The following ENTPD1 variants were observed in gnomAD, a reference collection of about 807,000 sequenced individuals.
ENTPD1 encodes the protein ectonucleoside triphosphate diphosphohydrolase 1.
A neutral mutation model predicts 57.0 loss-of-function variants in ENTPD1; 33 were observed. The ratio of observed to expected loss-of-function variants is 0.58; its 90% confidence interval spans 0.44 to 0.77. The LOEUF (loss-of-function observed/expected upper bound fraction) is 0.77, where lower values mean the gene tolerates loss of function less well. Among genes scored for constraint, ENTPD1 ranks in the 30% least tolerant of loss-of-function variants. ENTPD1 has a pLI of 0.00. For synonymous variants in ENTPD1, 202 were observed against 218.8 expected (o/e 0.92, Z 0.68); for missense variants, 501 against 603.4 (o/e 0.83, Z 1.78).
intron 1 of ENTPD1, among the ~76,000 whole-genome samples, chr10:95,820,035 G>A (rs186056333): frequency 4.6e-5 from 7 of 152,116 alleles, no homozygotes; most frequent in African/African-American, 1.7e-4. Flanking sequence ...TAAGAAGAAG[G>A]GGCAGTTACC....
intron 1 of ENTPD1, among the ~76,000 whole-genome samples, chr10:95,798,524 TAATATTGTCTTGTTATCCA>T: frequency 6.6e-6 from 1 of 152,250 alleles, no homozygotes; most frequent in East Asian, 1.9e-4. Context: ...AGGGTAGGCC[TAATATTGTCTTGTTATCCA>T]AATATTGTCT....
At chr10:95,765,811 A>G (rs1003152105) in intron 1 of ENTPD1, among the ~76,000 whole-genome samples, 2 of 152,194 alleles carry the variant, frequency 1.3e-5, no homozygotes, top group African/African-American at 4.8e-5. Flanking sequence ...CTTCTAATCC[A>G]TGAACATATG....
chr10:95,722,038 C>A lies in ENTPD1; in HGVS notation c.37+10045C>A, dbSNP rs189400709. Among the ~76,000 whole-genome samples the A allele has an allele frequency of 1.8e-3, 276 of 152,206 alleles. 5 individuals carry two copies. Among genetic ancestry groups the A allele is most frequent in the African/African-American group, 6.2e-3 (256 of 41,526 alleles). On this transcript the variant is annotated intron_variant, in intron 1 of 9. Coordinates refer to the ENTPD1 transcript ENST00000453258. Reference sequence around the variant, plus strand: ...ATACATTCCAATAAATAAAACAGTTCTTATGCAAATTTGTGTCAGAGAGGG... The same window carrying A: ...ATACATTCCAATAAATAAAACAGTTATTATGCAAATTTGTGTCAGAGAGGG...
At chr10:95,783,606 A>G (rs1356141666) in intron 1 of ENTPD1, among the ~76,000 whole-genome samples, 1 of 152,036 alleles carries the variant, frequency 6.6e-6, no homozygotes, top group Non-Finnish European at 1.5e-5. Context: ...TCAAGATAGG[A>G]TAACACCCAG....
intron 1 of ENTPD1, among the ~76,000 whole-genome samples, chr10:95,748,643 A>G (rs1159650283): frequency 1.3e-5 from 2 of 152,210 alleles, no homozygotes; most frequent in East Asian, 3.8e-4. Flanking sequence ...TTAAAAGTTA[A>G]CAGTTCTATA....
At chr10:95,734,349 AT>A (rs1333722897) in intron 1 of ENTPD1, among the ~76,000 whole-genome samples, 1 of 152,208 alleles carries the variant, frequency 6.6e-6, no homozygotes, top group Non-Finnish European at 1.5e-5. Flanking sequence ...AAAGAGCAGA[AT>A]TTTTTGGACA....
At chr10:95,823,008 C>T (rs2098359150) in intron 1 of ENTPD1, among the ~76,000 whole-genome samples, 1 of 152,190 alleles carries the variant, frequency 6.6e-6, no homozygotes, top group African/African-American at 2.4e-5. Flanking sequence ...TAGTTTTGTC[C>T]TTGCCACAGC....
chr10:95,816,828 T>C (rs2098331474), intron 1 of ENTPD1, among the ~76,000 whole-genome samples: 1 of 152,210 alleles, frequency 6.6e-6, no homozygotes, highest in Admixed American at 6.5e-5. Context: ...ACAGATTTTA[T>C]AGAGAAGATG....
In ENTPD1 at chr10:95,855,503, C is replaced by T. The variant is rs1387521902; in HGVS notation, c.1075-4966C>T. 6.6e-5 allele frequency among the ~76,000 whole-genome samples: 10 copies of T among 152,026 alleles called. No individual in the cohort carries two copies. The East Asian group carries it at 9.7e-4, about 15-fold the overall frequency. On this transcript the variant is annotated intron_variant, in intron 7 of 9. Coordinates refer to ENST00000371205, the MANE Select transcript of ENTPD1 (RefSeq NM_001776.6). ...TATGATGTTAGCTGGTTATTTTGCT[C>T]GTTAGTTGATGCAGTTTCTTCCTAG...
chr10:95,712,314 C>A (rs2097966496), intron 1 of ENTPD1, among the ~76,000 whole-genome samples: 1 of 152,124 alleles, frequency 6.6e-6, no homozygotes, highest in Non-Finnish European at 1.5e-5. Context: ...GCAGACTGAT[C>A]AGTTTTGCGG....
At chr10:95,863,328 T>C (rs185578477) in intron 8 of ENTPD1, among the ~76,000 whole-genome samples, 7 of 152,344 alleles carry the variant, frequency 4.6e-5, no homozygotes, top group Admixed American at 3.3e-4. Flanking sequence ...AGTAGATTCT[T>C]GGGATTTTGT....
intron 1 of ENTPD1, among the ~76,000 whole-genome samples, chr10:95,766,339 C>T (rs1461021455): frequency 6.6e-6 from 1 of 152,064 alleles, no homozygotes; most frequent in Non-Finnish European, 1.5e-5. Context: ...AATTGTAGTC[C>T]ATAATCAAAT....
At chr10:95,711,835 G>T in exon 1 of ENTPD1, 3 of 1,408,456 alleles carry the variant, frequency 2.1e-6, no homozygotes, top group Non-Finnish European at 3.0e-6. Context: ...CTATTAACCT[G>T]CCTTTTTTGT....
chr10:95,715,016 C>T (rs1043132347), intron 1 of ENTPD1, among the ~76,000 whole-genome samples: 10 of 152,234 alleles, frequency 6.6e-5, no homozygotes, highest in South Asian at 4.1e-4. Flanking sequence ...TTATTCCCCT[C>T]GGTTATCCCT....
At chr10:95,834,806 A>G (rs1040286320) in intron 2 of ENTPD1, among the ~76,000 whole-genome samples, 2 of 151,908 alleles carry the variant, frequency 1.3e-5, no homozygotes, top group African/African-American at 4.8e-5. Context: ...GGTCACTTCT[A>G]CTGTTCCTCT....
At chr10:95,734,404 A>G (rs550386546) in intron 1 of ENTPD1, among the ~76,000 whole-genome samples, 2 of 152,338 alleles carry the variant, frequency 1.3e-5, no homozygotes, top group Admixed American at 1.3e-4. Flanking sequence ...CATGCATAAA[A>G]AACAGAGACA....
chr10:95,767,891 A>G lies in ENTPD1; in HGVS notation c.16+11636A>G, dbSNP rs554381890. ...ATAACAATGTTGGGAGGCAAGACCT[A>G]CTGGAGGTGCTTGGGTCATGAGGGC... On this transcript the variant is annotated intron_variant, in intron 1 of 9. Transcript: ENST00000371205. 8.5e-5 allele frequency among the ~76,000 whole-genome samples: 13 copies of G among 152,320 alleles called. No homozygotes were observed. The South Asian group carries it at 2.7e-3, about 32-fold the overall frequency.
chr10:95,727,478 T>C (rs2139841993), intron 1 of ENTPD1, among the ~76,000 whole-genome samples: 1 of 152,352 alleles, frequency 6.6e-6, no homozygotes, highest in Middle Eastern at 3.4e-3. Flanking sequence ...GTTTCATTTA[T>C]TACCCATTTC....
At chr10:95,729,038 G>T (rs2097986599) in intron 1 of ENTPD1, among the ~76,000 whole-genome samples, 1 of 151,674 alleles carries the variant, frequency 6.6e-6, no homozygotes, top group South Asian at 2.1e-4. Context: ...ATATTTCTAG[G>T]CTGCATGGTT....
Sources: gnomAD v4.1 joint callset for allele counts (sites outside exome capture counted in the v4.1 genomes callset) on GRCh38, gnomAD v4.1.1 for gene constraint, MANE v1.5 for transcripts, NCBI Gene and HGNC (gene_info 2026-07-23, HGNC 2026-07-21) for gene names.